The following GRHL2 variants were observed in gnomAD, a reference collection of about 807,000 sequenced individuals.
GRHL2 encodes grainyhead like transcription factor 2.
A neutral mutation model predicts 83.8 loss-of-function variants in GRHL2; 21 were observed. The ratio of observed to expected loss-of-function variants is 0.25; its 90% CI spans 0.18 to 0.36. The LOEUF is 0.36. Ranked by LOEUF, GRHL2 falls within the 10% of genes least tolerant of loss-of-function variation. The pLI, the probability that GRHL2 is intolerant of heterozygous loss-of-function variation, is 1.00. For synonymous variants in GRHL2, 280 were observed against 278.9 expected (o/e 1.00, Z -0.04); for missense variants, 623 against 781.8 (o/e 0.80, Z 2.42).
chr8:101,613,776 A>T (rs941756849), intron 8 of GRHL2, among the ~76,000 whole-genome samples: 3 of 151,112 alleles, frequency 2.0e-5, no homozygotes, highest in African/African-American at 7.4e-5. Context: ...TTCTAGTGTT[A>T]AAATGATTAT....
intron 9 of GRHL2, among the ~76,000 whole-genome samples, chr8:101,624,955 C>T (rs1182123430): frequency 1.3e-5 from 2 of 152,024 alleles, no homozygotes; most frequent in African/African-American, 4.8e-5. Context: ...CCATTCAAAA[C>T]CTCAACAAAG....
chr8:101,573,146 G>A (rs1402635323), intron 5 of GRHL2, among the ~76,000 whole-genome samples: 1 of 150,864 alleles, frequency 6.6e-6, no homozygotes, highest in East Asian at 2.0e-4. Context: ...TGTTATTAGG[G>A]AACTAGATTC....
intron 11 of GRHL2, among the ~76,000 whole-genome samples, chr8:101,635,695 CTTG>C (rs562200339): frequency 1.8e-3 from 280 of 152,216 alleles, no homozygotes; most frequent in Non-Finnish European, 2.5e-3. Context: ...CACACTGAGA[CTTG>C]TTGTGGGGAG....
intron 1 of GRHL2, among the ~76,000 whole-genome samples, chr8:101,503,528 A>C (rs959527587): frequency 6.6e-6 from 1 of 152,226 alleles, no homozygotes; most frequent in African/African-American, 2.4e-5. Context: ...TTTATCATAA[A>C]CTTTCTGGAA....
At position 101,509,219 on chromosome 8, in the gene GRHL2, GT is replaced by G. The variant is rs1563556317; in HGVS notation, c.20+16431del. Among the ~76,000 whole-genome samples, 422 of 53,684 alleles carry G rather than the reference GT, an allele frequency of 7.9e-3. 12 individuals are homozygous for G. The highest frequency in any genetic ancestry group is 0.018 in the African/African-American group (396 of 21,766). The allele number at this position is 53,684 out of a possible 152,430, so 35.2% of individuals were successfully genotyped here. On this transcript the variant is annotated intron_variant, in intron 1 of 15. Transcript: ENST00000646743. ...TTTCTTTCTTTCTTCTTGTGTGTGT[GT>G]GTGTGTGTGTGTGTGTGTGTGTGTG... is the stretch of plus-strand genomic sequence containing the variant.
At chr8:101,637,177 C>CT (rs951883227) in intron 12 of GRHL2, among the ~76,000 whole-genome samples, 1 of 152,164 alleles carries the variant, frequency 6.6e-6, no homozygotes, top group African/African-American at 2.4e-5. Context: ...CTTTGAATAA[C>CT]TAGCTGTTTT....
intron 3 of GRHL2, among the ~76,000 whole-genome samples, chr8:101,556,566 T>C (rs562102372): frequency 1.3e-5 from 2 of 152,314 alleles, no homozygotes; most frequent in South Asian, 4.2e-4. Flanking sequence ...AGTATTTTAT[T>C]CTAGTCTGGC....
At chr8:101,505,702 CTATA>C in intron 1 of GRHL2, among the ~76,000 whole-genome samples, 1 of 151,814 alleles carries the variant, frequency 6.6e-6, no homozygotes, top group Non-Finnish European at 1.5e-5. Context: ...AGCAAACATT[CTATA>C]AGGTATGTTT....
chr8:101,644,744 C>A (rs563073816), intron 13 of GRHL2, among the ~76,000 whole-genome samples: 1 of 152,306 alleles, frequency 6.6e-6, no homozygotes, highest in Admixed American at 6.5e-5. Context: ...GGATTCCATG[C>A]CCTTCCTCGG....
At chr8:101,612,151 G>C (rs571420107) in intron 8 of GRHL2, among the ~76,000 whole-genome samples, 1 of 150,814 alleles carries the variant, frequency 6.6e-6, no homozygotes, top group East Asian at 1.9e-4. Context: ...CACCATGCCC[G>C]GCTTATTTTT....
chr8:101,559,455 G>A (rs1811562063), intron 4 of GRHL2, among the ~76,000 whole-genome samples: 1 of 151,800 alleles, frequency 6.6e-6, no homozygotes, highest in Non-Finnish European at 1.5e-5. Context: ...GCTTCAACCC[G>A]GGAGGCGGAG....
At chr8:101,652,356 G>GTC (rs1813651084) in intron 14 of GRHL2, among the ~76,000 whole-genome samples, 2 of 82,976 alleles carry the variant, frequency 2.4e-5, no homozygotes, top group African/African-American at 7.0e-5. Context: ...TGTGGTGTGT[G>GTC]TGGTGTGTGT....
At chr8:101,591,088 C>T (rs1165308240) in intron 7 of GRHL2, among the ~76,000 whole-genome samples, 2 of 152,022 alleles carry the variant, frequency 1.3e-5, no homozygotes, top group Non-Finnish European at 2.9e-5. Flanking sequence ...CTACAGAAGT[C>T]TGAATTTAAA....
intron 4 of GRHL2, among the ~76,000 whole-genome samples, chr8:101,566,821 C>T (rs1296702930): frequency 6.6e-6 from 1 of 151,924 alleles, no homozygotes; most frequent in Admixed American, 6.6e-5. Context: ...AACTTTTGCT[C>T]TTCTTCAGAA....
chr8:101,519,360 G>A (rs936836754), intron 1 of GRHL2, among the ~76,000 whole-genome samples: 4 of 151,810 alleles, frequency 2.6e-5, no homozygotes, highest in African/African-American at 4.8e-5. Context: ...TGTTTACATA[G>A]CTATTCCCAA....
chr8:101,492,854 G>C (rs1401256487), intron 1 of GRHL2, 65 bp downstream of exon 1: 2 of 1,490,406 alleles, frequency 1.3e-6, no homozygotes, highest in African/African-American at 2.8e-5. Context: ...CAACTGGTTT[G>C]TTATGTTTTT....
At chr8:101,544,077 A>G (rs950386463) in intron 2 of GRHL2, 1 of 154,584 alleles carries the variant, frequency 6.5e-6, no homozygotes, top group Non-Finnish European at 1.4e-5. Flanking sequence ...CCCTCCCACA[A>G]CACATGGGAA....
intron 1 of GRHL2, among the ~76,000 whole-genome samples, chr8:101,536,636 A>C (rs17397811): frequency 6.6e-6 from 1 of 152,046 alleles, no homozygotes; most frequent in African/African-American, 2.4e-5. Flanking sequence ...TCAGAGTCTG[A>C]ATATTAAAAC....
chr8:101,577,259 C>T (rs543696781), intron 6 of GRHL2, 149 bp from the exon 7 acceptor site: 59 of 672,604 alleles, frequency 8.8e-5, no homozygotes, highest in African/African-American at 7.1e-4. Flanking sequence ...TATAACAAAA[C>T]GGACCATACA....
Sources: gnomAD v4.1 joint callset for allele counts (sites outside exome capture counted in the v4.1 genomes callset) on GRCh38, gnomAD v4.1.1 for gene constraint, MANE v1.5 for transcripts, NCBI Gene and HGNC (gene_info 2026-07-23, HGNC 2026-07-21) for gene names.